WDR35: variants seen among roughly 807,000 people sequenced by gnomAD.
WDR35 encodes WD repeat domain 35.
In WDR35, 118 loss-of-function variants were observed where a neutral mutation model predicts 158.3. That is an observed-to-expected ratio of 0.75 (90% CI 0.64 to 0.87). The LOEUF is 0.87. Ranked by LOEUF, WDR35 falls within the 40% of genes least tolerant of loss-of-function variation. The pLI is 0.00. For missense variants in WDR35, 1,263 were observed against 1,405.8 expected (o/e 0.90, Z 1.62); for synonymous variants, 448 against 476.1 (o/e 0.94, Z 0.77).
chr2:19,981,115 T>C (rs545879169), intron 3 of WDR35, among the ~76,000 whole-genome samples: 8 of 152,292 alleles, frequency 5.3e-5, no homozygotes, highest in African/African-American at 1.9e-4. Flanking sequence ...AATAATGATG[T>C]TCAAAGGACA....
At chr2:19,942,243 T>C (rs985225915) in intron 16 of WDR35, among the ~76,000 whole-genome samples, 4 of 152,194 alleles carry the variant, frequency 2.6e-5, no homozygotes, top group Non-Finnish European at 5.9e-5. Flanking sequence ...TTCTAATTCA[T>C]GCAATTCAAT....
rs780498523 is a variant in WDR35 at position 19,941,857 on chromosome 2, A to G, written c.1846-18T>C. Reference sequence around the variant, plus strand: ...ATGGGTTCCTTTAAAGACAAAAAAAAAGTTATGTTTCATTATGCAAAATTT... The same window carrying G: ...ATGGGTTCCTTTAAAGACAAAAAAAGAGTTATGTTTCATTATGCAAAATTT... On this transcript the variant is annotated intron_variant, in intron 16 of 26. Transcript: ENST00000281405. 1 of 1,532,614 alleles carries G rather than the reference A, an allele frequency of 6.5e-7. No individual in the cohort carries two copies. Among genetic ancestry groups the G allele is most frequent in the East Asian group, 2.3e-5 (1 of 43,404 alleles). The allele number at this position is 1,532,614 out of a possible 1,614,324, so 94.9% of individuals were successfully genotyped here. A position where few individuals can be genotyped will look rare whatever the true frequency, so the allele number is the denominator to read the frequency against.
chr2:19,921,971 C>T (rs1054480230), intron 25 of WDR35, among the ~76,000 whole-genome samples: 2 of 152,178 alleles, frequency 1.3e-5, no homozygotes, highest in Non-Finnish European at 2.9e-5. Context: ...TGAAGAAAAG[C>T]TCATCATCAC....
intron 10 of WDR35, 71 bp from the exon 11 acceptor site, chr2:19,960,685 T>C: frequency 8.8e-7 from 1 of 1,141,104 alleles, no homozygotes; most frequent in South Asian, 1.3e-5. Context: ...GCTTAATATA[T>C]ATCATGCTTA....
intron 4 of WDR35, among the ~76,000 whole-genome samples, chr2:19,980,184 C>T (rs1672338949): frequency 6.6e-6 from 1 of 152,220 alleles, no homozygotes; most frequent in Admixed American, 6.5e-5. Flanking sequence ...ACTCTAGCCA[C>T]TCATTTATTC....
At position 19,934,503 on chromosome 2, in the gene WDR35, TA is replaced by T. The variant is rs1670631986; in HGVS notation, c.2547+967del. Among the ~76,000 whole-genome samples, 1 of 152,018 alleles carries T rather than the reference TA, an allele frequency of 6.6e-6. No individual in the cohort carries two copies. The highest frequency in any genetic ancestry group is 2.4e-5 in the African/African-American group (1 of 41,450). On this transcript the variant is annotated intron_variant, in intron 21 of 26. Transcript: ENST00000281405. The surrounding 1 kb of genome is among the most constrained non-coding windows in gnomAD (Gnocchi z 4.6). ...TTAAAAATTCTTCTATAACTCTATT[TA>T]AAATTTATAATACTAAAATTTTTAC... is the stretch of plus-strand genomic sequence containing the variant.
chr2:19,964,042 C>A (rs1450348905), intron 10 of WDR35, among the ~76,000 whole-genome samples: 3 of 152,120 alleles, frequency 2.0e-5, no homozygotes, highest in East Asian at 1.9e-4. Flanking sequence ...TAGTAGTTGA[C>A]TTACAGCTAT....
Position 19,938,396 on chromosome 2 carries a change from T to C in WDR35, c.1932A>G (p.Pro644=), listed in dbSNP as rs1160493844. Residue 644 remains proline (P), a synonymous_variant, in exon 18 of 27, where the codon CCA becomes CCG. Coordinates refer to ENST00000281405, the MANE Select transcript of WDR35 (RefSeq NM_020779.4). ...TTAGGTAATCCTTGTTTGGATGTTC[T>C]GGATCCTAAAAGTAAAGATGAAAAC... The part of the protein sequence containing the change: ...SVLLDEILKD[P]EHPNKDYLIN... 1.2e-6 allele frequency: 2 copies of C among 1,613,958 alleles called. 1 individual carries two copies. Among genetic ancestry groups the C allele is most frequent in the South Asian group, 2.2e-5 (2 of 91,076 alleles).
At chr2:19,951,283 GA>G in intron 13 of WDR35, 131 bp downstream of exon 13, 1 of 824,212 alleles carries the variant, frequency 1.2e-6, no homozygotes, top group Non-Finnish European at 1.9e-6. Flanking sequence ...TACAGAAGAG[GA>G]TTTTTTTAAA....
intron 2 of WDR35, among the ~76,000 whole-genome samples, chr2:19,985,708 AC>A (rs1672540984): frequency 6.7e-6 from 1 of 148,294 alleles, no homozygotes; most frequent in East Asian, 2.0e-4. Flanking sequence ...ACACGGTGAA[AC>A]CCCGTCTCTA....
At chr2:19,945,516 T>C (rs1671017169) in intron 16 of WDR35, among the ~76,000 whole-genome samples, 2 of 152,298 alleles carry the variant, frequency 1.3e-5, no homozygotes, top group South Asian at 2.1e-4. Context: ...CTAGTGACCA[T>C]GGCTCCACCT....
At chr2:19,949,659 C>T (rs1671172706) in intron 13 of WDR35, among the ~76,000 whole-genome samples, 2 of 152,140 alleles carry the variant, frequency 1.3e-5, no homozygotes, top group Non-Finnish European at 2.9e-5. Context: ...CACAGTATTT[C>T]CATTATCACA....
Position 19,935,588 on chromosome 2 carries a change from T to C in WDR35, c.2430A>G (p.Gln810=), listed in dbSNP as rs1362274929. ...CCTGGTTCCGTCCTTGTACATAATA[T>C]TGTACAGCATTCAACCTACAGAAAG... ...ADRQKWLNAV[Q]YYVQGRNQER... The change falls in exon 21 of 27, where the codon CAA becomes CAG. Residue 810 remains glutamine (Q), a synonymous_variant. Coordinates refer to ENST00000281405, the MANE Select transcript of WDR35 (RefSeq NM_020779.4). 13 of 1,612,514 alleles carry C rather than the reference T, an allele frequency of 8.1e-6. No homozygotes were observed. Among genetic ancestry groups the C allele is most frequent in the East Asian group, 6.7e-5 (3 of 44,754 alleles).
chr2:19,986,470 G>A (rs2103470441), intron 2 of WDR35, among the ~76,000 whole-genome samples: 1 of 152,336 alleles, frequency 6.6e-6, no homozygotes, highest in Middle Eastern at 3.4e-3. Flanking sequence ...GGACTGACCA[G>A]AGAAGGAGAG....
chr2:19,914,344 A>G, intron 25 of WDR35, 67 bp from the exon 26 acceptor site: 1 of 1,597,688 alleles, frequency 6.3e-7, no homozygotes, highest in Non-Finnish European at 8.6e-7. Context: ...ATGCAAAAGA[A>G]GAATCTAAGT....
At chr2:19,932,215 A>G (rs2103398180) in intron 23 of WDR35, 68 bp downstream of exon 23, 1 of 1,590,872 alleles carries the variant, frequency 6.3e-7, no homozygotes, top group Non-Finnish European at 8.6e-7. Flanking sequence ...AATGGAGAAT[A>G]TGCTCTTTCA....
chr2:19,973,974 G>A (rs1355332853), intron 7 of WDR35, among the ~76,000 whole-genome samples: 1 of 151,926 alleles, frequency 6.6e-6, no homozygotes, highest in Non-Finnish European at 1.5e-5. Context: ...TGGAGGAGTT[G>A]GTGCACACCT....
intron 17 of WDR35, among the ~76,000 whole-genome samples, chr2:19,938,745 G>A (rs1383660722): frequency 6.6e-6 from 1 of 152,112 alleles, no homozygotes; most frequent in East Asian, 1.9e-4. Context: ...TCAGCACAAT[G>A]CCTAGCTGTA....
At chr2:19,975,453 G>GTA in intron 6 of WDR35, 77 bp downstream of exon 6, 2 of 1,446,808 alleles carry the variant, frequency 1.4e-6, no homozygotes, top group South Asian at 2.7e-5. Context: ...AAAAATAAAT[G>GTA]TATATACAAA....
Sources: gnomAD v4.1 joint callset for allele counts (sites outside exome capture counted in the v4.1 genomes callset) on GRCh38, gnomAD v4.1.1 for gene constraint, Gnocchi (gnomAD v3.1) non-coding constraint, MANE v1.5 for transcripts, NCBI Gene and HGNC (gene_info 2026-07-23, HGNC 2026-07-21) for gene names.